TOX: variants seen among roughly 807,000 people sequenced by gnomAD.
The protein encoded by TOX is thymocyte selection-associated high mobility group box protein TOX.
A neutral mutation model predicts 53.7 loss-of-function variants in TOX; 11 were observed. That is an observed-to-expected ratio of 0.20 (90% CI 0.13 to 0.34). TOX has a LOEUF of 0.34. TOX is among the 10% of genes least tolerant of loss of function. TOX has a pLI of 1.00. For synonymous variants in TOX, 225 were observed against 245.3 expected, an observed-to-expected ratio of 0.92 and a Z score of 0.77; for missense variants, 570 against 664.6, an observed-to-expected ratio of 0.86 and a Z score of 1.56.
At chr8:59,041,137 G>A (rs1803581666) in intron 1 of TOX, among the ~76,000 whole-genome samples, 1 of 151,226 alleles carries the variant, frequency 6.6e-6, no homozygotes, top group Non-Finnish European at 1.5e-5. Flanking sequence ...TAAAGGAGCT[G>A]GCATCGGGTG....
intron 1 of TOX, among the ~76,000 whole-genome samples, chr8:58,998,568 A>AATTTAT (rs1554537374): frequency 0.04 from 3,509 of 87,066 alleles, 313 homozygotes; most frequent in South Asian, 0.066. Context: ...TTATGTAATA[A>AATTTAT]ATGTATATAT....
chr8:58,838,832 G>C (rs896424697), intron 4 of TOX, among the ~76,000 whole-genome samples: 1 of 150,668 alleles, frequency 6.6e-6, no homozygotes, highest in Non-Finnish European at 1.5e-5. Context: ...CTCCCCGACA[G>C]CTGGGACTAC....
At chr8:58,807,976 TAAC>T (rs1810008889) in intron 8 of TOX, 139 bp downstream of exon 8, 3 of 1,278,230 alleles carry the variant, frequency 2.3e-6, no homozygotes, top group South Asian at 1.5e-5. Flanking sequence ...GAAGACTGCT[TAAC>T]AATTTCTGGT....
intron 8 of TOX, 49 bp downstream of exon 8, chr8:58,808,069 C>A: frequency 6.4e-7 from 1 of 1,570,938 alleles, no homozygotes; most frequent in South Asian, 1.2e-5. Context: ...GGACGATATG[C>A]ATGCTATGAG....
chr8:58,920,934 C>A (rs1033630492), intron 3 of TOX, among the ~76,000 whole-genome samples: 1 of 151,704 alleles, frequency 6.6e-6, no homozygotes, highest in South Asian at 2.1e-4. Context: ...TTAATTATTC[C>A]CTTGAGATAA....
chr8:59,078,597 G>A (rs184193198), intron 1 of TOX, among the ~76,000 whole-genome samples: 33 of 152,222 alleles, frequency 2.2e-4, no homozygotes, highest in Admixed American at 9.2e-4. Context: ...CTATATATTC[G>A]TGAACCAATT....
At chr8:59,009,427 C>A (rs1813857902) in intron 1 of TOX, among the ~76,000 whole-genome samples, 3 of 151,732 alleles carry the variant, frequency 2.0e-5, no homozygotes, top group Admixed American at 2.0e-4. Context: ...GGCTGGAGTG[C>A]AGTGGTGCCA....
intron 1 of TOX, among the ~76,000 whole-genome samples, chr8:58,991,506 GT>G (rs1380757148): frequency 6.6e-6 from 1 of 152,126 alleles, no homozygotes; most frequent in Non-Finnish European, 1.5e-5. Flanking sequence ...GATCGCTTAG[GT>G]CCTCAGAACT....
intron 3 of TOX, among the ~76,000 whole-genome samples, chr8:58,859,736 C>T (rs548885399): frequency 7.9e-5 from 12 of 152,284 alleles, no homozygotes; most frequent in South Asian, 4.1e-4. Flanking sequence ...GCTTCTTCCA[C>T]GAATGGGCCC....
chr8:59,001,681 A>T (rs958531424), intron 1 of TOX, among the ~76,000 whole-genome samples: 1 of 152,228 alleles, frequency 6.6e-6, no homozygotes, highest in Non-Finnish European at 1.5e-5. Context: ...AAAAGATTTT[A>T]AAAATACTAT....
intron 3 of TOX, among the ~76,000 whole-genome samples, chr8:58,862,516 A>C (rs1811028144): frequency 1.3e-5 from 2 of 152,170 alleles, no homozygotes; most frequent in South Asian, 4.1e-4. Flanking sequence ...AACAACAGCC[A>C]ATAAATTTCA....
intron 3 of TOX, among the ~76,000 whole-genome samples, chr8:58,905,681 T>C (rs1201057694): frequency 6.6e-6 from 1 of 152,226 alleles, no homozygotes; most frequent in Non-Finnish European, 1.5e-5. Context: ...TGGGGATAGA[T>C]TTTCAGTAAT....
chr8:59,105,406 A>G (rs1191438888), intron 1 of TOX, among the ~76,000 whole-genome samples: 1 of 152,088 alleles, frequency 6.6e-6, no homozygotes, highest in African/African-American at 2.4e-5. Flanking sequence ...AGCTCTCAGT[A>G]TAAAGCACAA....
At chr8:59,084,850 A>T (rs1328957889) in intron 1 of TOX, among the ~76,000 whole-genome samples, 1 of 152,208 alleles carries the variant, frequency 6.6e-6, no homozygotes, top group Admixed American at 6.5e-5. Context: ...TTTCTAGAAT[A>T]CAGTAAAATA....
Position 58,844,797 on chromosome 8 carries a change from A to T in TOX, c.694-6486T>A, listed in dbSNP as rs532996971. 1.2e-4 allele frequency among the ~76,000 whole-genome samples: 19 copies of T among 152,242 alleles called. No individual in the cohort carries two copies. The East Asian group carries it at 2.3e-3, about 19-fold the overall frequency. The stretch of plus-strand genomic sequence containing the variant: ...CACTAACGAATACATAAGTGCACAA[A>T]TACCTAAATAAATATTATTTATAAA... On this transcript the variant is annotated intron_variant, in intron 4 of 8. Coordinates refer to ENST00000361421, the MANE Select transcript of TOX (RefSeq NM_014729.3).
Position 58,923,152 on chromosome 8 carries a change from T to A in TOX, c.411+16150A>T, listed in dbSNP as rs193245632. 3.0e-4 allele frequency among the ~76,000 whole-genome samples: 46 copies of A among 152,176 alleles called. 1 individual carries two copies. Among genetic ancestry groups the A allele is most frequent in the Admixed American group, 2.7e-3 (41 of 15,294 alleles). ...GTCACTGAAGGGTGGTCAATCTAATTAATATATGCTAAAAAGGTCACACTG... is the reference window on the plus strand; with the variant it reads ...GTCACTGAAGGGTGGTCAATCTAATAAATATATGCTAAAAAGGTCACACTG... On this transcript the variant is annotated intron_variant, in intron 3 of 8. Coordinates refer to ENST00000361421, the MANE Select transcript of TOX (RefSeq NM_014729.3).
chr8:59,115,750 G>A (rs1805089134), intron 1 of TOX, among the ~76,000 whole-genome samples: 1 of 152,046 alleles, frequency 6.6e-6, no homozygotes, highest in South Asian at 2.1e-4. Context: ...ATCCGTTCTG[G>A]CTGTTTGTGT....
chr8:59,100,567 T>C (rs921514999), intron 1 of TOX, among the ~76,000 whole-genome samples: 3 of 152,180 alleles, frequency 2.0e-5, no homozygotes, highest in East Asian at 3.9e-4. Context: ...AGAAATGAGA[T>C]GGTAAGAAAA....
chr8:58,954,802 A>G (rs1320105193), intron 2 of TOX, among the ~76,000 whole-genome samples: 7 of 152,244 alleles, frequency 4.6e-5, no homozygotes, highest in African/African-American at 1.4e-4. Context: ...GGAATTAACC[A>G]AAGGCAGAAT....
Sources: gnomAD v4.1 joint callset for allele counts (sites outside exome capture counted in the v4.1 genomes callset) on GRCh38, gnomAD v4.1.1 for gene constraint, MANE v1.5 for transcripts, NCBI Gene and HGNC (gene_info 2026-07-23, HGNC 2026-07-21) for gene names.